The following KCTD16 variants were observed in gnomAD, a reference collection of about 807,000 sequenced individuals.
KCTD16 encodes BTB/POZ domain-containing protein KCTD16.
Under a neutral mutation model 33.2 loss-of-function variants are expected in KCTD16, and 13 were observed. That is an observed-to-expected ratio of 0.39 (90% confidence interval 0.25 to 0.62). The LOEUF is 0.62. Among genes scored for constraint, KCTD16 ranks in the 20% least tolerant of loss-of-function variants. The probability of loss-of-function intolerance (pLI) is 0.50; values close to 1 mark genes in which losing one functional copy is unlikely to be tolerated. For synonymous variants in KCTD16, 197 were observed against 195.3 expected (o/e 1.01, Z -0.07); for missense variants, 441 against 525.1 (o/e 0.84, Z 1.57).
intron 3 of KCTD16, among the ~76,000 whole-genome samples, chr5:144,340,036 G>C (rs1365737344): frequency 6.6e-6 from 1 of 152,024 alleles, no homozygotes; most frequent in Non-Finnish European, 1.5e-5. Flanking sequence ...GGGGGCCTGT[G>C]GGTAAATCTC....
chr5:144,410,566 T>C (rs1752911432), intron 3 of KCTD16, among the ~76,000 whole-genome samples: 2 of 152,184 alleles, frequency 1.3e-5, no homozygotes, highest in South Asian at 2.1e-4. Context: ...AACAATCTTA[T>C]GTGTATTCCA....
intron 3 of KCTD16, among the ~76,000 whole-genome samples, chr5:144,261,542 A>G (rs1282272119): frequency 6.6e-6 from 1 of 152,254 alleles, no homozygotes; most frequent in East Asian, 1.9e-4. Flanking sequence ...AATGTAAATT[A>G]ACAAGCCTCA....
chr5:144,318,470 G>A (rs1355424261), intron 3 of KCTD16, among the ~76,000 whole-genome samples: 1 of 152,180 alleles, frequency 6.6e-6, no homozygotes, highest in African/African-American at 2.4e-5. Context: ...ATACCAGTTT[G>A]CATGCATAAT....
At position 144,299,010 on chromosome 5, in the gene KCTD16, T is replaced by TA. The variant is rs1430734835; in HGVS notation, c.832+91472dup. On this transcript the variant is annotated intron_variant, in intron 3 of 3. Transcript: ENST00000512467. Reference sequence around the variant, plus strand: ...AAGAATTCTCTAAAGAGGCCAGGAATAAAAAAAATGCTATGAATAAGTAAA... The same window carrying TA: ...AAGAATTCTCTAAAGAGGCCAGGAATAAAAAAAAATGCTATGAATAAGTAAA... 7.0e-5 allele frequency among the ~76,000 whole-genome samples: 8 copies of TA among 114,828 alleles called. No individual in the cohort carries two copies. In the East Asian group the frequency reaches 8.2e-4, roughly 12 times the overall value. The allele number at this position is 114,828 out of a possible 152,430, so 75.3% of individuals were successfully genotyped here.
intron 3 of KCTD16, among the ~76,000 whole-genome samples, chr5:144,214,441 A>G (rs1482443433): frequency 6.6e-6 from 1 of 152,142 alleles, no homozygotes; most frequent in Non-Finnish European, 1.5e-5. Context: ...TTGTCTTACA[A>G]CTGCTCTTGT....
chr5:144,299,116 A>ATCAC (rs1298868682), intron 3 of KCTD16, among the ~76,000 whole-genome samples: 1 of 15,736 alleles, frequency 6.4e-5, no homozygotes, highest in East Asian at 2.3e-3. Context: ...ATATATATAT[A>ATCAC]TATATATATA....
chr5:144,474,151 A>G lies in KCTD16; in HGVS notation c.*37A>G. 3 of 1,475,952 alleles carry G rather than the reference A, an allele frequency of 2.0e-6. No individual in the cohort carries two copies. The highest frequency in any genetic ancestry group is 2.8e-6 in the Non-Finnish European group (3 of 1,089,050). The allele number at this position is 1,475,952 out of a possible 1,614,324, so 91.4% of individuals were successfully genotyped here. On this transcript the variant is annotated 3_prime_UTR_variant, in exon 4 of 4. Coordinates refer to ENST00000512467, the MANE Select transcript of KCTD16 (RefSeq NM_020768.4). ...GGGCGGGAAAAGAAAAAAAAAAGTC[A>G]TTTTGAAATTAACCTCCTAAAAGGA...
At chr5:144,306,063 C>A (rs1439502464) in intron 3 of KCTD16, among the ~76,000 whole-genome samples, 7 of 152,126 alleles carry the variant, frequency 4.6e-5, no homozygotes, top group Admixed American at 4.6e-4. Flanking sequence ...TGTGAGCCAA[C>A]CAGATATCCT....
chr5:144,255,828 A>G (rs1424098577), intron 3 of KCTD16, among the ~76,000 whole-genome samples: 1 of 152,236 alleles, frequency 6.6e-6, no homozygotes, highest in Non-Finnish European at 1.5e-5. Flanking sequence ...TAACATAATC[A>G]TCAGATTTTA....
chr5:144,388,065 G>GTTTTTTTTTTTTTTTTTTTTTTTTT (rs397999492), intron 3 of KCTD16, among the ~76,000 whole-genome samples: 1 of 73,662 alleles, frequency 1.4e-5, no homozygotes, highest in African/African-American at 6.2e-5. Flanking sequence ...TTTAGAGCAA[G>GTTTTTTTTTTTTTTTTTTTTTTTTT]TTTTTTTTTT....
intron 3 of KCTD16, among the ~76,000 whole-genome samples, chr5:144,438,100 A>G (rs1177681581): frequency 6.6e-5 from 10 of 152,346 alleles, no homozygotes; most frequent in African/African-American, 2.2e-4. Flanking sequence ...TAGTAAAATT[A>G]ATTTTATGCA....
chr5:144,429,214 A>G (rs369243097), intron 3 of KCTD16, among the ~76,000 whole-genome samples: 2 of 152,150 alleles, frequency 1.3e-5, no homozygotes, highest in South Asian at 4.1e-4. Context: ...ACAAAGCATT[A>G]TGAATGTATT....
At chr5:144,271,009 G>T (rs1580835038) in intron 3 of KCTD16, among the ~76,000 whole-genome samples, 1 of 151,874 alleles carries the variant, frequency 6.6e-6, no homozygotes, top group Non-Finnish European at 1.5e-5. Flanking sequence ...AACTAGTAAG[G>T]AGGTTAAATG....
intron 3 of KCTD16, among the ~76,000 whole-genome samples, chr5:144,238,861 A>G (rs1473113014): frequency 6.6e-6 from 1 of 152,172 alleles, no homozygotes; most frequent in Non-Finnish European, 1.5e-5. Flanking sequence ...GCTAGGCACT[A>G]GGGATACAAC....
intron 3 of KCTD16, among the ~76,000 whole-genome samples, chr5:144,278,518 T>G (rs1217110565): frequency 7.8e-6 from 1 of 128,952 alleles, no homozygotes; most frequent in Non-Finnish European, 1.6e-5. Context: ...TGAGACGGAG[T>G]CTCGCTCTGT....
At chr5:144,398,706 A>ACTCTCTCTCTCTCTCTCTCT (rs202105888) in intron 3 of KCTD16, among the ~76,000 whole-genome samples, 2 of 146,498 alleles carry the variant, frequency 1.4e-5, no homozygotes, top group African/African-American at 5.5e-5. Flanking sequence ...ACACACACAC[A>ACTCTCTCTCTCTCTCTCTCT]CACTCTCTCT....
intron 3 of KCTD16, among the ~76,000 whole-genome samples, chr5:144,254,026 G>T (rs1398013536): frequency 6.6e-6 from 1 of 152,210 alleles, no homozygotes; most frequent in Non-Finnish European, 1.5e-5. Context: ...AGCTGATTAT[G>T]AGTGTCTCTA....
chr5:144,231,740 C>T (rs1027774304), intron 3 of KCTD16, among the ~76,000 whole-genome samples: 32 of 152,138 alleles, frequency 2.1e-4, no homozygotes, highest in Non-Finnish European at 8.8e-5. Context: ...CCCTTTTGCT[C>T]GGCACTGCTC....
At position 144,377,001 on chromosome 5, in the gene KCTD16, A is replaced by G. The variant is rs75976711; in HGVS notation, c.833-96659A>G. On this transcript the variant is annotated intron_variant, in intron 3 of 3. Transcript: ENST00000512467. ...TTCCTTATTGCAGGCTTGGGTGTACATATCTACGCATTCAGACTTGGGATA... is the reference window on the plus strand; with the variant it reads ...TTCCTTATTGCAGGCTTGGGTGTACGTATCTACGCATTCAGACTTGGGATA... 4.9e-4 allele frequency among the ~76,000 whole-genome samples: 75 copies of G among 152,282 alleles called. 1 individual carries two copies. The East Asian group carries it at 0.013, about 27-fold the overall frequency.
Sources: allele counts gnomAD v4.1 joint callset (sites outside exome capture counted in the v4.1 genomes callset), GRCh38; gene constraint gnomAD v4.1.1; transcripts MANE v1.5; gene names NCBI Gene and HGNC (gene_info 2026-07-23, HGNC 2026-07-21).